LSM12: variants seen among roughly 807,000 people sequenced by gnomAD.
LSM12 encodes LSM12 homolog.
For missense variants in LSM12, 108 were observed against 238.9 expected (o/e 0.45, Z 3.61); for synonymous variants, 74 against 87.3 (o/e 0.85, Z 0.85).
rs145556055 is a variant in LSM12 at position 44,055,421 on chromosome 17, G to A, written c.258+8380C>T. Among the ~76,000 whole-genome samples the A allele has an allele frequency of 2.5e-3, 385 of 150,990 alleles. 1 individual carries two copies. Among genetic ancestry groups the A allele is most frequent in the South Asian group, 9.0e-3 (43 of 4,800 alleles). ...TCACACCTGTAATACCAGCACTTTC[G>A]GAGGCTGAGGTGGGTGGATCATCTG... On this transcript the variant is annotated intron_variant, in intron 2 of 4. Coordinates refer to ENST00000293406, the MANE Select transcript of LSM12 (RefSeq NM_001371445.1).
In LSM12 at chr17:44,036,279, C is replaced by A. The variant is rs59168537; in HGVS notation, c.517G>T (p.Val173Leu). 3.1e-6 allele frequency: 5 copies of A among 1,613,802 alleles called. No individual in the cohort carries two copies. Among genetic ancestry groups the A allele is most frequent in the African/African-American group, 1.3e-5 (1 of 74,822 alleles). Reference protein sequence around the residue: ...RKIVEKHFRDVESQKILQRSQ... With the variant: ...RKIVEKHFRDLESQKILQRSQ... ...CGTTGCAGTATCTTTTGGCTTTCCA[C>A]GTCTCTAAAATGTTTTTCAACCTGA... The change falls in exon 5 of 5, where the codon GTG becomes TTG. Residue 173 changes from valine to leucine, a missense_variant. Physicochemically the swap from Val to Leu is conservative, Grantham distance 32 (BLOSUM62 1). Transcript: ENST00000293406.
intron 2 of LSM12, among the ~76,000 whole-genome samples, chr17:44,046,709 C>CAA (rs542504532): frequency 4.2e-4 from 18 of 42,642 alleles, no homozygotes; most frequent in South Asian, 8.9e-4. Context: ...GACTCCGTCT[C>CAA]AAAAAAAAAA....
intron 2 of LSM12, among the ~76,000 whole-genome samples, chr17:44,047,846 G>C (rs570041911): frequency 6.6e-6 from 1 of 151,586 alleles, no homozygotes; most frequent in African/African-American, 2.4e-5. Flanking sequence ...GCCTCCCAAA[G>C]TGCTGGAATT....
intron 2 of LSM12, among the ~76,000 whole-genome samples, chr17:44,041,749 CCA>C (rs2049497767): frequency 6.6e-6 from 1 of 152,194 alleles, no homozygotes; most frequent in Non-Finnish European, 1.5e-5. Flanking sequence ...GATCCCTACC[CCA>C]CACTACTGGT....
chr17:44,040,045 C>T, intron 3 of LSM12, 102 bp downstream of exon 3: 1 of 799,376 alleles, frequency 1.3e-6, no homozygotes. Context: ...CCCAGCTTCC[C>T]CAGTAGACTT....
chr17:44,056,410 C>T (rs1340551162), intron 2 of LSM12, among the ~76,000 whole-genome samples: 2 of 151,844 alleles, frequency 1.3e-5, no homozygotes, highest in Non-Finnish European at 2.9e-5. Flanking sequence ...TTGAGACCAG[C>T]GTTGGCAGTA....
chr17:44,046,729 G>C (rs867662372), intron 2 of LSM12, among the ~76,000 whole-genome samples: 5 of 145,506 alleles, frequency 3.4e-5, no homozygotes, highest in African/African-American at 1.3e-4. Flanking sequence ...AAAAAAAAAG[G>C]AACTGTCAAA....
intron 2 of LSM12, among the ~76,000 whole-genome samples, chr17:44,050,949 AT>A (rs2049635184): frequency 6.6e-6 from 1 of 152,196 alleles, no homozygotes; most frequent in African/African-American, 2.4e-5. Context: ...CCTGGGCAAC[AT>A]GGCAAAACCC....
intron 1 of LSM12, among the ~76,000 whole-genome samples, chr17:44,064,270 C>G (rs116271685): frequency 0.012 from 1,821 of 152,274 alleles, 38 homozygotes; most frequent in African/African-American, 0.04. Flanking sequence ...TGTGTCTGCA[C>G]AGTATTCTTT....
chr17:44,066,255 A>C, intron 1 of LSM12, among the ~76,000 whole-genome samples: 1 of 150,500 alleles, frequency 6.6e-6, no homozygotes, highest in African/African-American at 2.5e-5. Flanking sequence ...CAGCTCCCGC[A>C]AAGAGAGAGA....
At chr17:44,038,082 C>T (rs1418161882) in intron 3 of LSM12, among the ~76,000 whole-genome samples, 1 of 152,148 alleles carries the variant, frequency 6.6e-6, no homozygotes, top group Non-Finnish European at 1.5e-5. Flanking sequence ...GGCGCGGTGG[C>T]TCACACCTGT....
At chr17:44,055,746 T>C (rs926432523) in intron 2 of LSM12, among the ~76,000 whole-genome samples, 6 of 145,954 alleles carry the variant, frequency 4.1e-5, no homozygotes, top group African/African-American at 1.5e-4. Context: ...ATATAATATA[T>C]GTGTATATAT....
intron 2 of LSM12, among the ~76,000 whole-genome samples, chr17:44,053,815 C>A (rs2049676489): frequency 1.3e-5 from 2 of 152,088 alleles, no homozygotes; most frequent in Non-Finnish European, 2.9e-5. Flanking sequence ...TTTACCTGAG[C>A]TAGTCTTAAA....
intron 2 of LSM12, among the ~76,000 whole-genome samples, chr17:44,062,622 G>A (rs1408039067): frequency 2.0e-5 from 3 of 152,010 alleles, no homozygotes; most frequent in Admixed American, 6.6e-5. Context: ...CATGGTGGCT[G>A]ACACCTGTAA....
chr17:44,066,334 GCCCCGGGCGCCGC>G, intron 1 of LSM12, 117 bp downstream of exon 1: 1 of 1,241,146 alleles, frequency 8.1e-7, no homozygotes. Context: ...GTGCGCATGC[GCCCCGGGCGCCGC>G]GGTAGCCGGT....
At chr17:44,066,407 C>A in intron 1 of LSM12, 57 bp downstream of exon 1, 1 of 1,496,530 alleles carries the variant, frequency 6.7e-7, no homozygotes, top group Non-Finnish European at 8.9e-7. Flanking sequence ...TCCCCCACCC[C>A]CCGACCACCG....
intron 2 of LSM12, among the ~76,000 whole-genome samples, chr17:44,050,988 G>GT (rs1252497800): frequency 2.0e-5 from 3 of 152,072 alleles, no homozygotes; most frequent in African/African-American, 7.2e-5. Context: ...CAAATTAGCT[G>GT]GGGGGCTGGA....
chr17:44,067,274 T>A (rs1272487896), upstream of LSM12, among the ~76,000 whole-genome samples: 2 of 152,200 alleles, frequency 1.3e-5, no homozygotes, highest in African/African-American at 4.8e-5. Flanking sequence ...CACTCTAGCC[T>A]GGGCAACAGA....
At chr17:44,059,021 C>T (rs2049759709) in intron 2 of LSM12, among the ~76,000 whole-genome samples, 1 of 151,912 alleles carries the variant, frequency 6.6e-6, no homozygotes, top group Non-Finnish European at 1.5e-5. Flanking sequence ...AAACAACCAC[C>T]CAGGTGTGGT....
Sources: allele counts gnomAD v4.1 joint callset (sites outside exome capture counted in the v4.1 genomes callset), GRCh38; gene constraint gnomAD v4.1.1; transcripts MANE v1.5; gene names NCBI Gene and HGNC (gene_info 2026-07-23, HGNC 2026-07-21).